RPTOR: variants seen among roughly 807,000 people sequenced by gnomAD.
RPTOR encodes the protein regulatory-associated protein of mTOR.
Under a neutral mutation model 169.9 loss-of-function variants are expected in RPTOR, and 21 were observed. The observed-to-expected ratio is 0.12, with a 90% confidence interval of 0.09 to 0.18. The LOEUF (loss-of-function observed/expected upper bound fraction) is 0.18, where lower values mean the gene tolerates loss of function less well. RPTOR is among the 10% of genes least tolerant of loss of function. RPTOR has a pLI of 1.00. For missense variants in RPTOR, 1,133 were observed against 1,855.9 expected (o/e 0.61, Z 7.16); for synonymous variants, 732 against 753.2 (o/e 0.97, Z 0.46).
chr17:80,946,234 C>T (rs189782465), intron 26 of RPTOR, among the ~76,000 whole-genome samples: 1 of 152,110 alleles, frequency 6.6e-6, no homozygotes, highest in African/African-American at 2.4e-5. Flanking sequence ...TGGGGGAGGG[C>T]AGTGGGAGGG....
At position 80,754,933 on chromosome 17, in the gene RPTOR, C is replaced by T. The variant is rs116036078; in HGVS notation, c.830+748C>T. Among the ~76,000 whole-genome samples, 1,857 of 152,256 alleles carry T rather than the reference C, an allele frequency of 0.012. 24 individuals are homozygous for T. The highest frequency in any genetic ancestry group is 0.075 in the Middle Eastern group (22 of 294). On this transcript the variant is annotated intron_variant, in intron 6 of 33. Coordinates refer to ENST00000306801, the MANE Select transcript of RPTOR (RefSeq NM_020761.3). This position sits in a 1 kb window ranked among gnomAD's most constrained non-coding sequence, Gnocchi z 4.2. ...GTGCAGCAGACACCGTGCTGTCGGCCGAGGACACTCTTGAGGCTTCTGTCA... is the reference window on the plus strand; with the variant it reads ...GTGCAGCAGACACCGTGCTGTCGGCTGAGGACACTCTTGAGGCTTCTGTCA...
intron 13 of RPTOR, among the ~76,000 whole-genome samples, chr17:80,875,972 A>G (rs56116211): frequency 5.4e-5 from 1 of 18,576 alleles, no homozygotes; most frequent in African/African-American, 4.3e-4. Flanking sequence ...CACCGAGCCC[A>G]TGCCACGCAG....
At chr17:80,616,773 AT>A (rs905888335) in intron 1 of RPTOR, among the ~76,000 whole-genome samples, 31 of 150,658 alleles carry the variant, frequency 2.1e-4, no homozygotes, top group African/African-American at 7.1e-4. Flanking sequence ...GAAAAAAAAA[AT>A]ATTAGAGCCC....
At chr17:80,843,756 G>A (rs975666784) in intron 10 of RPTOR, among the ~76,000 whole-genome samples, 2 of 152,178 alleles carry the variant, frequency 1.3e-5, no homozygotes, top group South Asian at 2.1e-4. Flanking sequence ...TGAGAAAGGC[G>A]GCAGGTATGC....
Position 80,659,887 on chromosome 17 carries a change from A to T in RPTOR, c.348+16077A>T, listed in dbSNP as rs182111666. Among the ~76,000 whole-genome samples the T allele has an allele frequency of 6.6e-6, 1 of 152,184 alleles. No individual in the cohort carries two copies. On this transcript the variant is annotated intron_variant, in intron 3 of 33. Coordinates refer to ENST00000306801, the MANE Select transcript of RPTOR (RefSeq NM_020761.3). The surrounding 1 kb of genome is among the most constrained non-coding windows in gnomAD (Gnocchi z 4.3). ...GGTCTCAAACTCCAGGGCTTAAGCA[A>T]TCCTCCTGCCTTGGCCTCCCAAAGT...
intron 4 of RPTOR, among the ~76,000 whole-genome samples, chr17:80,718,204 A>G (rs6565478): frequency 0.66 from 100,816 of 152,058 alleles, 34,010 homozygotes; most frequent in African/African-American, 0.78. Flanking sequence ...TTTACTGAAC[A>G]TAAAGTTGGA....
chr17:80,569,659 A>C (rs1423013705), intron 1 of RPTOR, among the ~76,000 whole-genome samples: 1 of 152,154 alleles, frequency 6.6e-6, no homozygotes, highest in African/African-American at 2.4e-5. Flanking sequence ...TGGATGGTCT[A>C]TGTTGATTTC....
intron 1 of RPTOR, among the ~76,000 whole-genome samples, chr17:80,568,121 C>A (rs553583633): frequency 6.6e-6 from 1 of 152,024 alleles, no homozygotes; most frequent in East Asian, 1.9e-4. Flanking sequence ...GTTGACCAGG[C>A]TGGTCTCGAA....
intron 2 of RPTOR, among the ~76,000 whole-genome samples, chr17:80,635,170 C>T (rs891851117): frequency 1.9e-4 from 29 of 152,290 alleles, no homozygotes; most frequent in East Asian, 3.9e-4. Context: ...CTCTCAGACC[C>T]GGTTATCCTT....
At chr17:80,684,535 C>G in intron 3 of RPTOR, among the ~76,000 whole-genome samples, 1 of 146,346 alleles carries the variant, frequency 6.8e-6, no homozygotes, top group African/African-American at 2.5e-5. Context: ...AGCTCCTCCT[C>G]CCGGGTTCAC....
intron 21 of RPTOR, among the ~76,000 whole-genome samples, chr17:80,914,548 TC>T (rs1393289089): frequency 6.6e-6 from 1 of 152,168 alleles, no homozygotes; most frequent in Non-Finnish European, 1.5e-5. Context: ...AAGCGTCTGC[TC>T]CCGCTCCCTG....
At chr17:80,716,774 T>C (rs1175105520) in intron 4 of RPTOR, among the ~76,000 whole-genome samples, 1 of 152,216 alleles carries the variant, frequency 6.6e-6, no homozygotes, top group African/African-American at 2.4e-5. Context: ...TCCAGTTTCA[T>C]TCTCCTACGT....
chr17:80,943,592 G>A (rs370530624), intron 25 of RPTOR, among the ~76,000 whole-genome samples: 15 of 152,328 alleles, frequency 9.8e-5, no homozygotes, highest in African/African-American at 3.6e-4. Context: ...CAGTGTGCAG[G>A]CTGGTGGGAG....
Position 80,947,099 on chromosome 17 carries a change from G to C in RPTOR, c.3141-128G>C. On this transcript the variant is annotated intron_variant, in intron 26 of 33. Transcript: ENST00000306801. The surrounding 1 kb of genome is among the most constrained non-coding windows in gnomAD (Gnocchi z 4.4). ...CCCAAGTAGCTAGGATGACAGGTGT[G>C]AGCCGCCGTGCCCGGCTGTGGTGTG... 1 of 892,818 alleles carries C rather than the reference G, an allele frequency of 1.1e-6. No individual in the cohort carries two copies. The highest frequency in any genetic ancestry group is 1.6e-6 in the Non-Finnish European group (1 of 623,220). 55.3% of individuals were successfully genotyped at this position (892,818 alleles called of 1,614,324 possible).
At chr17:80,589,814 A>G (rs2065090200) in intron 1 of RPTOR, among the ~76,000 whole-genome samples, 1 of 152,016 alleles carries the variant, frequency 6.6e-6, no homozygotes, top group South Asian at 2.1e-4. Flanking sequence ...ATATTCACAT[A>G]TTTATTTGGA....
At chr17:80,953,183 T>C (rs2069204825) in intron 28 of RPTOR, among the ~76,000 whole-genome samples, 1 of 152,200 alleles carries the variant, frequency 6.6e-6, no homozygotes, top group African/African-American at 2.4e-5. Flanking sequence ...TTCCAAGTTG[T>C]GCAGCCACCA....
At chr17:80,864,898 G>A (rs75751261) in intron 13 of RPTOR, among the ~76,000 whole-genome samples, 3,727 of 152,062 alleles carry the variant, frequency 0.025, 154 homozygotes, top group African/African-American at 0.084. Context: ...CCTGATCACC[G>A]CTCACTGTAA....
Position 80,577,484 on chromosome 17 carries a change from G to A in RPTOR, c.162+31693G>A, listed in dbSNP as rs150738299. 8.6e-3 allele frequency among the ~76,000 whole-genome samples: 1,309 copies of A among 152,166 alleles called. 23 individuals carry two copies. Among genetic ancestry groups the A allele is most frequent in the African/African-American group, 0.029 (1,211 of 41,514 alleles). ...TATAGAGCTAGGGTCTTCCTATGTG[G>A]CCCAGGCTTGTCTTGAACTGCTGGG... On this transcript the variant is annotated intron_variant, in intron 1 of 33. Transcript: ENST00000306801.
At chr17:80,832,279 G>A (rs2067513642) in intron 9 of RPTOR, among the ~76,000 whole-genome samples, 1 of 152,228 alleles carries the variant, frequency 6.6e-6, no homozygotes, top group South Asian at 2.1e-4. Context: ...CAGGGTGCAG[G>A]CGGCTCCTGT....
Sources: allele counts gnomAD v4.1 joint callset (sites outside exome capture counted in the v4.1 genomes callset), GRCh38; gene constraint gnomAD v4.1.1; non-coding constraint Gnocchi (gnomAD v3.1); transcripts MANE v1.5; gene names NCBI Gene and HGNC (gene_info 2026-07-23, HGNC 2026-07-21).